The following ZDHHC12 variants were observed in gnomAD, a reference collection of about 807,000 sequenced individuals.
The protein encoded by ZDHHC12 is palmitoyltransferase ZDHHC12.
ZDHHC12 carries 26 observed loss-of-function variants against 33.2 expected under a neutral mutation model. That is an observed-to-expected ratio of 0.78 (90% CI 0.57 to 1.09). The LOEUF is 1.09. ZDHHC12 is among the 50% of genes least tolerant of loss of function. The pLI is 0.00. For synonymous variants in ZDHHC12, 154 were observed against 152.1 expected (o/e 1.01, Z -0.09); for missense variants, 350 against 353.0 (o/e 0.99, Z 0.07).
Position 128,721,231 on chromosome 9 carries a change from C to G in ZDHHC12, c.754G>C (p.Glu252Gln). The G allele has an allele frequency of 6.2e-7, 1 of 1,604,596 alleles. No individual in the cohort carries two copies. ...TCCTCCTCCTCAGCCCAGAGGGTCT[C>G]CCAGGACCCTGAGGGCCATCCACAG... ...FFCGWPSGSW[E>Q]TLWAEEEEEG... Residue 252 changes from glutamate (E) to glutamine (Q), a missense_variant, in exon 5 of 5, where the codon GAG (glutamate) becomes CAG (glutamine). By Grantham distance (29) the Glu-to-Gln change is conservative (BLOSUM62 2). Coordinates refer to ENST00000372663, the MANE Select transcript of ZDHHC12 (RefSeq NM_032799.5). The surrounding 1 kb of genome is among the most constrained non-coding windows in gnomAD (Gnocchi z 6.9).
At position 128,721,065 on chromosome 9, in the gene ZDHHC12, G is replaced by A. The variant is rs1054761638; in HGVS notation, c.*116C>T. Reference sequence around the variant, plus strand: ...TCTGTCTGACTTGAAGCTCCGTTCTGGGGTCTGGGAGGCGTGGGCAGGAGT... The same window carrying A: ...TCTGTCTGACTTGAAGCTCCGTTCTAGGGTCTGGGAGGCGTGGGCAGGAGT... On this transcript the variant is annotated 3_prime_UTR_variant, in exon 5 of 5. Coordinates refer to ENST00000372663, the MANE Select transcript of ZDHHC12 (RefSeq NM_032799.5). This position sits in a 1 kb window ranked among gnomAD's most constrained non-coding sequence, Gnocchi z 6.9. 10 of 1,062,432 alleles carry A rather than the reference G, an allele frequency of 9.4e-6. No homozygotes were observed. In the African/African-American group the frequency reaches 1.3e-4, roughly 14 times the overall value. The allele number at this position is 1,062,432 out of a possible 1,614,324, so 65.8% of individuals were successfully genotyped here.
Position 128,723,671 on chromosome 9 carries a change from G to A in ZDHHC12, c.100+323C>T. On this transcript the variant is annotated intron_variant, in intron 1 of 4. Transcript: ENST00000372663. The surrounding 1 kb of genome is among the most constrained non-coding windows in gnomAD (Gnocchi z 4.4). The stretch of plus-strand genomic sequence containing the variant: ...TAGGAAGATTTGGGGTCAGTTCCTG[G>A]GAAGGATCATGTGGGTCCCAGGATC... 2 of 459,008 alleles carry A rather than the reference G, an allele frequency of 4.4e-6. No individual in the cohort carries two copies. Among genetic ancestry groups the A allele is most frequent in the South Asian group, 8.5e-5 (2 of 23,578 alleles). The allele number at this position is 459,008 out of a possible 1,614,324, so 28.4% of individuals were successfully genotyped here.
chr9:128,722,699 T>C lies in ZDHHC12; in HGVS notation c.101-125A>G. On this transcript the variant is annotated intron_variant, in intron 1 of 4. Transcript: ENST00000372663. This position sits in a 1 kb window ranked among gnomAD's most constrained non-coding sequence, Gnocchi z 4.2. Reference sequence around the variant, plus strand: ...CAAAGGCCTGGAGATGTTGGTTCCATGAGTGGCTGTGTGTGGCCAGCAGTT... The same window carrying C: ...CAAAGGCCTGGAGATGTTGGTTCCACGAGTGGCTGTGTGTGGCCAGCAGTT... The C allele has an allele frequency of 6.8e-7, 1 of 1,474,290 alleles. No homozygotes were observed. The highest frequency in any genetic ancestry group is 9.0e-7 in the Non-Finnish European group (1 of 1,106,896). The allele number at this position is 1,474,290 out of a possible 1,614,324, so 91.3% of individuals were successfully genotyped here.
Position 128,722,120 on chromosome 9 carries a change from C to T in ZDHHC12, c.238-34G>A, listed in dbSNP as rs1165175658. On this transcript the variant is annotated intron_variant, in intron 2 of 4. Coordinates refer to ENST00000372663, the MANE Select transcript of ZDHHC12 (RefSeq NM_032799.5). The surrounding 1 kb of genome is among the most constrained non-coding windows in gnomAD (Gnocchi z 4.2). Reference sequence around the variant, plus strand: ...AGGGGTGGGGTGTAAGACAGGGTCCCCTTGGGAGACAGATGGCATTGGCGG... The same window carrying T: ...AGGGGTGGGGTGTAAGACAGGGTCCTCTTGGGAGACAGATGGCATTGGCGG... The T allele has an allele frequency of 6.2e-7, 1 of 1,613,006 alleles. No individual in the cohort carries two copies. The highest frequency in any genetic ancestry group is 8.5e-7 in the Non-Finnish European group (1 of 1,179,306).
chr9:128,721,792 C>G lies in ZDHHC12; in HGVS notation c.341G>C (p.Arg114Pro). ...GCGGCGGACGCAACGGCGGCACTCA[C>G]GGCAGTGCCGAGCCCTCAGGGGCTG... Reference protein sequence around the residue: ...VLQPLRARHCRECRRCVRRYD... With the variant: ...VLQPLRARHCPECRRCVRRYD... The change falls in exon 4 of 5, where the codon CGT becomes CCT. Residue 114 changes from arginine to proline, a missense_variant. By Grantham distance (103) the Arg-to-Pro change is moderately radical. Transcript: ENST00000372663. This position sits in a 1 kb window ranked among gnomAD's most constrained non-coding sequence, Gnocchi z 6.9. 6.2e-7 allele frequency: 1 copy of G among 1,613,184 alleles called. No individual in the cohort carries two copies. Among genetic ancestry groups the G allele is most frequent in the Non-Finnish European group, 8.5e-7 (1 of 1,179,828 alleles).
rs1862571229 is a variant in ZDHHC12, at chr9:128,721,904, AG to A, written c.316-88del. 8 of 1,602,420 alleles carry A rather than the reference AG, an allele frequency of 5.0e-6. No homozygotes were observed. The highest frequency in any genetic ancestry group is 8.5e-7 in the Non-Finnish European group (1 of 1,172,886). ...GAAGGAATCAGGGCCTGATTCTGGA[AG>A]GCCTTCTTGGAGGAGGGGCGAGGCC... On this transcript the variant is annotated intron_variant, in intron 3 of 4. Coordinates refer to ENST00000372663, the MANE Select transcript of ZDHHC12 (RefSeq NM_032799.5). The surrounding 1 kb of genome is among the most constrained non-coding windows in gnomAD (Gnocchi z 6.9).
At position 128,721,995 on chromosome 9, in the gene ZDHHC12, C is replaced by T. The variant is rs375920277; in HGVS notation, c.315+14G>A. 3.0e-5 allele frequency: 48 copies of T among 1,613,826 alleles called. 1 individual carries two copies. Among genetic ancestry groups the T allele is most frequent in the Middle Eastern group, 1.6e-4 (1 of 6,078 alleles). ...TGGCCCAACCTCTCCCACGGGTGTC[C>T]GTGCATCACTCACCAGCACCAGGCA... is the stretch of plus-strand genomic sequence containing the variant. On this transcript the variant is annotated intron_variant, in intron 3 of 4. Coordinates refer to ENST00000372663, the MANE Select transcript of ZDHHC12 (RefSeq NM_032799.5). The surrounding 1 kb of genome is among the most constrained non-coding windows in gnomAD (Gnocchi z 6.9).
rs151171283 is a variant in ZDHHC12, at chr9:128,722,031, C to T, written c.293G>A (p.Arg98His). 1.6e-4 allele frequency: 257 copies of T among 1,613,956 alleles called. 1 individual carries two copies. Among genetic ancestry groups the T allele is most frequent in the South Asian group, 1.1e-3 (101 of 91,084 alleles). The change falls in exon 3 of 5, where the codon CGC becomes CAC. Residue 98 changes from arginine (R) to histidine (H), a missense_variant. By Grantham distance (29) the Arg-to-His change is conservative. Transcript: ENST00000372663. The surrounding 1 kb of genome is among the most constrained non-coding windows in gnomAD (Gnocchi z 4.2). The stretch of plus-strand genomic sequence containing the variant: ...CACCAGCACCAGGCAGTATCTGCAG[C>T]GCCGAAGAGGGATGGCTGGAGGAAC... ...AMVPPAIPLR[R>H]CRYCLVLQPL... is the part of the protein sequence containing the mutation.
In ZDHHC12 at chr9:128,721,314, C is replaced by A; in HGVS notation, c.671G>T (p.Arg224Leu). 1.3e-6 allele frequency: 2 copies of A among 1,593,106 alleles called. No individual in the cohort carries two copies. Among genetic ancestry groups the A allele is most frequent in the Non-Finnish European group, 8.5e-7 (1 of 1,169,772 alleles). ...GTCGAAGGGGTTGCTGGGGCGCTGG[C>A]GGAGATAGGCGATGCGGTGTGAGGA... Reference protein sequence around the residue: ...FISSHRIAYLRQRPSNPFDRG... With the variant: ...FISSHRIAYLLQRPSNPFDRG... Residue 224 changes from arginine to leucine, a missense_variant, in exon 5 of 5, where the codon CGC becomes CTC. Physicochemically the swap from Arg to Leu is moderately radical, Grantham distance 102 (BLOSUM62 -2). Transcript: ENST00000372663. The surrounding 1 kb of genome is among the most constrained non-coding windows in gnomAD (Gnocchi z 6.9).
Position 128,721,323 on chromosome 9 carries a change from G to T in ZDHHC12, c.662C>A (p.Ala221Asp). The change falls in exon 5 of 5, where the codon GCC becomes GAC. Residue 221 changes from alanine to aspartate, a missense_variant. Coordinates refer to ENST00000372663, the MANE Select transcript of ZDHHC12 (RefSeq NM_032799.5). This position sits in a 1 kb window ranked among gnomAD's most constrained non-coding sequence, Gnocchi z 6.9. Reference sequence around the variant, plus strand: ...GTTGCTGGGGCGCTGGCGGAGATAGGCGATGCGGTGTGAGGAGATGAATTC... The same window carrying T: ...GTTGCTGGGGCGCTGGCGGAGATAGTCGATGCGGTGTGAGGAGATGAATTC... ...TWEFISSHRI[A>D]YLRQRPSNPF... is the part of the protein sequence containing the mutation. 1 of 1,593,372 alleles carries T rather than the reference G, an allele frequency of 6.3e-7. No homozygotes were observed. Among genetic ancestry groups the T allele is most frequent in the Admixed American group, 1.8e-5 (1 of 56,318 alleles).
At position 128,724,116 on chromosome 9, in the gene ZDHHC12, C is replaced by CGGAA; in HGVS notation, c.-27_-24dup. On this transcript the variant is annotated 5_prime_UTR_variant, in exon 1 of 5. Transcript: ENST00000372663. Reference sequence around the variant, plus strand: ...CATCGCCTCGGCCCGGGGCCCCACCCGGAAGAAGCGCCCAGAGGGGCGGGC... The same window carrying CGGAA: ...CATCGCCTCGGCCCGGGGCCCCACCCGGAAGGAAGAAGCGCCCAGAGGGGCGGGC... 1 of 1,517,748 alleles carries CGGAA rather than the reference C, an allele frequency of 6.6e-7. No individual in the cohort carries two copies. Among genetic ancestry groups the CGGAA allele is most frequent in the Non-Finnish European group, 8.9e-7 (1 of 1,128,396 alleles). The allele number at this position is 1,517,748 out of a possible 1,614,324, so 94.0% of individuals were successfully genotyped here.
chr9:128,721,601 G>A lies in ZDHHC12; in HGVS notation c.482+50C>T, dbSNP rs940891826. ...GGGAGTCCTGGCTCTGTCCACCCCT[G>A]TGGGAGCATTCATCCCACCCTCCCT... On this transcript the variant is annotated intron_variant, in intron 4 of 4. Coordinates refer to ENST00000372663, the MANE Select transcript of ZDHHC12 (RefSeq NM_032799.5). This position sits in a 1 kb window ranked among gnomAD's most constrained non-coding sequence, Gnocchi z 6.9. 3 of 1,600,070 alleles carry A rather than the reference G, an allele frequency of 1.9e-6. No individual in the cohort carries two copies. The highest frequency in any genetic ancestry group is 4.5e-5 in the East Asian group (2 of 44,614).
rs1862606370 is a variant in ZDHHC12, at chr9:128,722,704, G to A, written c.101-130C>T. On this transcript the variant is annotated intron_variant, in intron 1 of 4. Transcript: ENST00000372663. This position sits in a 1 kb window ranked among gnomAD's most constrained non-coding sequence, Gnocchi z 4.2. Reference sequence around the variant, plus strand: ...GCCTGGAGATGTTGGTTCCATGAGTGGCTGTGTGTGGCCAGCAGTTCATCT... The same window carrying A: ...GCCTGGAGATGTTGGTTCCATGAGTAGCTGTGTGTGGCCAGCAGTTCATCT... 1 of 1,468,936 alleles carries A rather than the reference G, an allele frequency of 6.8e-7. No individual in the cohort carries two copies. The highest frequency in any genetic ancestry group is 9.1e-7 in the Non-Finnish European group (1 of 1,104,302). 91.0% of individuals were successfully genotyped at this position (1,468,936 alleles called of 1,614,324 possible).
In ZDHHC12 at chr9:128,723,922, C is replaced by G. The variant is rs1026520942; in HGVS notation, c.100+72G>C. ...GATCTCCAGGGATTAGGCGGGAGACCCAGTGTGACCAGAACGTCTGGGGAA... is the reference window on the plus strand; with the variant it reads ...GATCTCCAGGGATTAGGCGGGAGACGCAGTGTGACCAGAACGTCTGGGGAA... On this transcript the variant is annotated intron_variant, in intron 1 of 4. Coordinates refer to ENST00000372663, the MANE Select transcript of ZDHHC12 (RefSeq NM_032799.5). This position sits in a 1 kb window ranked among gnomAD's most constrained non-coding sequence, Gnocchi z 4.4. 6 of 1,549,032 alleles carry G rather than the reference C, an allele frequency of 3.9e-6. No homozygotes were observed. The highest frequency in any genetic ancestry group is 5.3e-6 in the Non-Finnish European group (6 of 1,142,314).
In ZDHHC12 at chr9:128,721,403, G is replaced by C; in HGVS notation, c.582C>G (p.Ala194=). 1 of 1,580,514 alleles carries C rather than the reference G, an allele frequency of 6.3e-7. No homozygotes were observed. Among genetic ancestry groups the C allele is most frequent in the Non-Finnish European group, 8.6e-7 (1 of 1,163,420 alleles). The change falls in exon 5 of 5, where the codon GCC becomes GCG. Residue 194 remains alanine, a synonymous_variant. Coordinates refer to ENST00000372663, the MANE Select transcript of ZDHHC12 (RefSeq NM_032799.5). This position sits in a 1 kb window ranked among gnomAD's most constrained non-coding sequence, Gnocchi z 6.9. The part of the protein sequence containing the change: ...FLLLSLFSLV[A]SLLLVSHLYL... ...AGAGGTGCGAGACGAGGAGCAGGCTGGCCACCAACGAGAAGAGGGACAGCA... is the reference window on the plus strand; with the variant it reads ...AGAGGTGCGAGACGAGGAGCAGGCTCGCCACCAACGAGAAGAGGGACAGCA...
Position 128,722,607 on chromosome 9 carries a change from C to A in ZDHHC12, c.101-33G>T. On this transcript the variant is annotated intron_variant, in intron 1 of 4. Transcript: ENST00000372663. This position sits in a 1 kb window ranked among gnomAD's most constrained non-coding sequence, Gnocchi z 4.2. ...GGCCGGAGAGCACAGTGAGGCTGGG[C>A]CGGGTAGAACAGGAGTGGGTGGGGT... is the stretch of plus-strand genomic sequence containing the variant. 2 of 1,581,902 alleles carry A rather than the reference C, an allele frequency of 1.3e-6. No individual in the cohort carries two copies. The highest frequency in any genetic ancestry group is 1.7e-6 in the Non-Finnish European group (2 of 1,163,618).
Position 128,722,968 on chromosome 9 carries a change from T to C in ZDHHC12, c.101-394A>G. ...GGATGTGGGAGAGAGGGAAGAGGGG[T>C]CCAGCGTCTCTGGCTCTGCAATGGT... On this transcript the variant is annotated intron_variant, in intron 1 of 4. Transcript: ENST00000372663. The surrounding 1 kb of genome is among the most constrained non-coding windows in gnomAD (Gnocchi z 4.2). 4.3e-6 allele frequency: 1 copy of C among 234,832 alleles called. No homozygotes were observed. The highest frequency in any genetic ancestry group is 8.3e-6 in the Non-Finnish European group (1 of 120,708). 14.5% of individuals were successfully genotyped at this position (234,832 alleles called of 1,614,324 possible). A position where few individuals can be genotyped will look rare whatever the true frequency, so the allele number is the denominator to read the frequency against.
Position 128,724,124 on chromosome 9 carries a change from G to A in ZDHHC12, c.-31C>T, listed in dbSNP as rs1168670572. ...CGGCCCGGGGCCCCACCCGGAAGAA[G>A]CGCCCAGAGGGGCGGGCCCTCCGAG... On this transcript the variant is annotated 5_prime_UTR_variant, in exon 1 of 5. Transcript: ENST00000372663. 8.7e-6 allele frequency: 13 copies of A among 1,500,214 alleles called. No homozygotes were observed. The Middle Eastern group carries it at 5.9e-4, about 68-fold the overall frequency. 92.9% of individuals were successfully genotyped at this position (1,500,214 alleles called of 1,614,324 possible). A position where few individuals can be genotyped will look rare whatever the true frequency, so the allele number is the denominator to read the frequency against.
Position 128,721,599 on chromosome 9 carries a change from CT to C in ZDHHC12, c.482+51del. 1.3e-6 allele frequency: 2 copies of C among 1,599,722 alleles called. No homozygotes were observed. The highest frequency in any genetic ancestry group is 1.7e-6 in the Non-Finnish European group (2 of 1,171,584). ...CTGGGAGTCCTGGCTCTGTCCACCC[CT>C]GTGGGAGCATTCATCCCACCCTCCC... is the stretch of plus-strand genomic sequence containing the variant. On this transcript the variant is annotated intron_variant, in intron 4 of 4. Transcript: ENST00000372663. This position sits in a 1 kb window ranked among gnomAD's most constrained non-coding sequence, Gnocchi z 6.9.
Sources: allele counts gnomAD v4.1 joint callset, GRCh38; gene constraint gnomAD v4.1.1; non-coding constraint Gnocchi (gnomAD v3.1); transcripts MANE v1.5; gene names NCBI Gene and HGNC (gene_info 2026-07-23, HGNC 2026-07-21).